HOXC4: variants seen among roughly 807,000 people sequenced by gnomAD.
HOXC4 encodes homeobox protein Hox-C4.
In HOXC4, 15 loss-of-function variants were observed where a neutral mutation model predicts 25.5. The observed-to-expected ratio is 0.59, with a 90% CI of 0.39 to 0.91. The LOEUF is 0.91. Ranked by LOEUF, HOXC4 falls within the 40% of genes least tolerant of loss-of-function variation. The pLI, the probability that HOXC4 is intolerant of heterozygous loss-of-function variation, is 0.00. For missense variants in HOXC4, 342 were observed against 352.4 expected (o/e 0.97, Z 0.24); for synonymous variants, 165 against 148.0 (o/e 1.11, Z -0.83).
chr12:54,031,161 TCC>T (rs1329889247), intron 1 of HOXC4, among the ~76,000 whole-genome samples: 5 of 152,176 alleles, frequency 3.3e-5, no homozygotes, highest in African/African-American at 1.2e-4. Flanking sequence ...GTCCTCGGCG[TCC>T]GAACCCTGAG....
At position 54,054,840 on chromosome 12, in the gene HOXC4, C is replaced by G; in HGVS notation, c.440-10C>G. On this transcript the variant is annotated splice_polypyrimidine_tract_variant and intron_variant, in intron 1 of 1. Coordinates refer to ENST00000430889, the MANE Select transcript of HOXC4 (RefSeq NM_153633.3). ...CTGAACCCCACTATTTGCTTTTCCC[C>G]TCCCCCCAGTGAACCCCAATTATAA... The G allele has an allele frequency of 6.3e-7, 1 of 1,588,926 alleles. No homozygotes were observed. Among genetic ancestry groups the G allele is most frequent in the Non-Finnish European group, 8.6e-7 (1 of 1,161,256 alleles).
At chr12:54,046,270 A>AT (rs1041497907) in intron 1 of HOXC4, among the ~76,000 whole-genome samples, 1 of 151,536 alleles carries the variant, frequency 6.6e-6, no homozygotes, top group African/African-American at 2.4e-5. Flanking sequence ...CATTTCCAAG[A>AT]TTTTTTCTGT....
At chr12:54,043,181 C>T (rs1278705222) in intron 1 of HOXC4, among the ~76,000 whole-genome samples, 1 of 152,220 alleles carries the variant, frequency 6.6e-6, no homozygotes, top group Non-Finnish European at 1.5e-5. Context: ...GGCCCTGAGC[C>T]GGTCCACTGC....
chr12:54,046,536 A>AATAT lies in HOXC4; in HGVS notation c.-123-6610_-123-6607dup, dbSNP rs147088501. Reference sequence around the variant, plus strand: ...CCAATCCCCTTCTCTCCTTGAGGGAAATATATATATATATATACACAGTTA... The same window carrying AATAT: ...CCAATCCCCTTCTCTCCTTGAGGGAAATATATATATATATATATATACACAGTTA... On this transcript the variant is annotated intron_variant, in intron 1 of 3. Transcript: ENST00000303406. Among the ~76,000 whole-genome samples, 2,419 of 149,926 alleles carry AATAT rather than the reference A, an allele frequency of 0.016. 145 individuals carry two copies. The East Asian group carries it at 0.2, about 12-fold the overall frequency.
At chr12:54,030,845 G>C (rs190134994) in intron 1 of HOXC4, 1 of 152,162 alleles carries the variant, frequency 6.6e-6, no homozygotes, top group Non-Finnish European at 1.5e-5. Flanking sequence ...CTGTTAATTC[G>C]CTCGCCCGCC....
intron 1 of HOXC4, among the ~76,000 whole-genome samples, chr12:54,017,963 C>G (rs575142260): frequency 5.3e-5 from 8 of 152,282 alleles, no homozygotes; most frequent in African/African-American, 1.9e-4. Flanking sequence ...AGTGTGGGCC[C>G]AGGGCCGGGC....
intron 1 of HOXC4, chr12:54,022,421 G>T (rs896406637): frequency 3.3e-5 from 5 of 151,840 alleles, no homozygotes; most frequent in African/African-American, 1.2e-4. Flanking sequence ...TTGGCTTTTG[G>T]CCTTTAATTT....
intron 1 of HOXC4, chr12:54,028,607 C>T (rs1226226084): frequency 1.2e-6 from 2 of 1,614,156 alleles, no homozygotes; most frequent in Non-Finnish European, 1.7e-6. Context: ...CTCAATTCCA[C>T]CGCCTATGAT....
chr12:54,033,576 G>T (rs202063227), intron 1 of HOXC4: 10 of 1,572,614 alleles, frequency 6.4e-6, no homozygotes, highest in Non-Finnish European at 8.6e-6. Context: ...CATGAGCCAC[G>T]GTAAACTTTA....
intron 1 of HOXC4, chr12:54,032,844 C>G: frequency 5.0e-6 from 1 of 199,780 alleles, no homozygotes; most frequent in East Asian, 1.2e-4. Context: ...CTCACTCCCT[C>G]TCCCCCTTGG....
At chr12:54,052,646 A>C (rs1937876025), upstream of HOXC4, among the ~76,000 whole-genome samples, 1 of 147,978 alleles carries the variant, frequency 6.8e-6, no homozygotes, top group Non-Finnish European at 1.5e-5. Flanking sequence ...ACCCCCCTCC[A>C]TCAGAGTATT....
chr12:54,033,693 C>A, intron 1 of HOXC4: 1 of 861,656 alleles, frequency 1.2e-6, no homozygotes, highest in Non-Finnish European at 1.7e-6. Flanking sequence ...GCATCAATGG[C>A]TCGTAAAACT....
At chr12:54,044,072 C>T (rs535938323) in intron 1 of HOXC4, among the ~76,000 whole-genome samples, 10 of 151,772 alleles carry the variant, frequency 6.6e-5, no homozygotes, top group Admixed American at 1.3e-4. Context: ...GGGTGCTTTT[C>T]CTGTTGGGAG....
At chr12:54,035,741 T>C (rs983728035) in intron 1 of HOXC4, among the ~76,000 whole-genome samples, 2 of 152,164 alleles carry the variant, frequency 1.3e-5, no homozygotes, top group African/African-American at 2.4e-5. Context: ...TCTGAAGATC[T>C]TTCCTGGGCC....
At position 54,053,994 on chromosome 12, in the gene HOXC4, G is replaced by C; in HGVS notation, c.72G>C (p.Ser24=). ...AATTTCCTCCATGCGAAGAATATTC[G>C]CAAAATAGCTACATCCCTGAACACA... The part of the protein sequence containing the change: ...DPKFPPCEEY[S]QNSYIPEHSP... Residue 24 remains serine (S), a synonymous_variant, in exon 1 of 2, where the codon TCG becomes TCC. Coordinates refer to ENST00000430889, the MANE Select transcript of HOXC4 (RefSeq NM_153633.3). The C allele has an allele frequency of 6.2e-7, 1 of 1,614,082 alleles. No individual in the cohort carries two copies. Among genetic ancestry groups the C allele is most frequent in the Non-Finnish European group, 8.5e-7 (1 of 1,179,996 alleles).
chr12:54,034,419 T>C, intron 1 of HOXC4: 1 of 1,614,210 alleles, frequency 6.2e-7, no homozygotes. Flanking sequence ...GAGAGACAGA[T>C]CAAGATCTGG....
chr12:54,053,824 A>AT, upstream of HOXC4: 1 of 888,944 alleles, frequency 1.1e-6, no homozygotes, highest in Non-Finnish European at 1.8e-6. Context: ...GAGGAGTCAC[A>AT]TGGTGAAAGT....
intron 1 of HOXC4, among the ~76,000 whole-genome samples, chr12:54,027,008 C>T (rs2136432682): frequency 6.6e-6 from 1 of 152,216 alleles, no homozygotes; most frequent in South Asian, 2.1e-4. Flanking sequence ...CGCACACTCC[C>T]CACCACCCTT....
intron 1 of HOXC4, chr12:54,034,414 A>C: frequency 6.2e-7 from 1 of 1,614,264 alleles, no homozygotes; most frequent in Non-Finnish European, 8.5e-7. Flanking sequence ...TCAATGAGAG[A>C]CAGATCAAGA....
Sources: gnomAD v4.1 joint callset for allele counts (sites outside exome capture counted in the v4.1 genomes callset) on GRCh38, gnomAD v4.1.1 for gene constraint, MANE v1.5 for transcripts, NCBI Gene and HGNC (gene_info 2026-07-23, HGNC 2026-07-21) for gene names.